ICE1: variants seen among roughly 807,000 people sequenced by gnomAD.
ICE1 encodes the protein interactor of little elongation complex ELL subunit 1.
ICE1 carries 64 observed loss-of-function variants against 192.7 expected under a neutral mutation model. That is an observed-to-expected ratio of 0.33 (90% CI 0.27 to 0.41). The LOEUF is 0.41. Among genes scored for constraint, ICE1 ranks in the 10% least tolerant of loss-of-function variants. ICE1 has a pLI of 1.00. For missense variants in ICE1, 2,708 were observed against 2,696.0 expected (o/e 1.00, Z -0.10); for synonymous variants, 1,010 against 984.5 (o/e 1.03, Z -0.49).
At chr5:5,469,546 G>A (rs992528863) in intron 15 of ICE1, among the ~76,000 whole-genome samples, 4 of 151,866 alleles carry the variant, frequency 2.6e-5, no homozygotes, top group Admixed American at 6.6e-5. Context: ...TCTAACTACC[G>A]GTAGCGAACT....
At chr5:5,458,838 G>A (rs924854973) in intron 12 of ICE1, among the ~76,000 whole-genome samples, 1 of 152,128 alleles carries the variant, frequency 6.6e-6, no homozygotes, top group Non-Finnish European at 1.5e-5. Flanking sequence ...AAGACCACAG[G>A]CAGGGTAGCG....
At chr5:5,440,633 T>C (rs1008857111) in intron 4 of ICE1, among the ~76,000 whole-genome samples, 2 of 152,216 alleles carry the variant, frequency 1.3e-5, no homozygotes, top group African/African-American at 2.4e-5. Context: ...AATAGTACTA[T>C]TTAATAGTAA....
At chr5:5,476,162 A>G in intron 17 of ICE1, 83 bp downstream of exon 17, 2 of 709,022 alleles carry the variant, frequency 2.8e-6, no homozygotes, top group Non-Finnish European at 4.4e-6. Context: ...ATAATAAAAT[A>G]TGCTGACTTT....
chr5:5,460,740 G>A lies in ICE1; in HGVS notation c.1406G>A (p.Arg469Gln), dbSNP rs764483256. Residue 469 changes from arginine to glutamine, a missense_variant, in exon 13 of 19, where the codon CGA (arginine) becomes CAA (glutamine). Coordinates refer to ENST00000296564, the MANE Select transcript of ICE1 (RefSeq NM_015325.3). The part of the protein sequence containing the change: ...VGEKHWTTAS[R>Q]SMSDRKRDIL... ...GAAAAACACTGGACCACAGCATCTCGATCCATGAGTGATAGAAAAAGAGAC... is the reference window on the plus strand; with the variant it reads ...GAAAAACACTGGACCACAGCATCTCAATCCATGAGTGATAGAAAAAGAGAC... The A allele has an allele frequency of 2.0e-5, 33 of 1,613,834 alleles. No individual in the cohort carries two copies. Among genetic ancestry groups the A allele is most frequent in the Middle Eastern group, 1.6e-4 (1 of 6,084 alleles).
intron 17 of ICE1, among the ~76,000 whole-genome samples, chr5:5,477,682 A>G (rs1184921197): frequency 6.6e-6 from 1 of 152,190 alleles, no homozygotes; most frequent in Non-Finnish European, 1.5e-5. Flanking sequence ...GAGACAAAAC[A>G]GAAAAAATTT....
Position 5,463,833 on chromosome 5 carries a change from G to T in ICE1, c.4499G>T (p.Gly1500Val), listed in dbSNP as rs1379706846. The change falls in exon 13 of 19, where the codon GGT becomes GTT. Residue 1500 changes from glycine to valine, a missense_variant. This residue lies in a region of ICE1 where 2,366 missense variants were observed against 2,276.6 expected (regional missense o/e 1.04). Transcript: ENST00000296564. The part of the protein sequence containing the change: ...SCPQEDVSSS[G>V]QSTNFDKSRL... ...CCCCAAGAGGATGTTTCAAGCAGTG[G>T]TCAGAGCACCAACTTTGATAAGAGT... The T allele has an allele frequency of 8.1e-6, 13 of 1,613,958 alleles. No individual in the cohort carries two copies. Among genetic ancestry groups the T allele is most frequent in the Non-Finnish European group, 1.1e-5 (13 of 1,179,886 alleles).
chr5:5,443,773 G>A (rs969746634), intron 6 of ICE1, among the ~76,000 whole-genome samples: 1 of 152,158 alleles, frequency 6.6e-6, no homozygotes, highest in African/African-American at 2.4e-5. Flanking sequence ...ACAAATGTGA[G>A]CTATACATAA....
chr5:5,464,771 T>G lies in ICE1; in HGVS notation c.5437T>G (p.Ser1813Ala), dbSNP rs1278203458. The G allele has an allele frequency of 6.2e-7, 1 of 1,613,712 alleles. No individual in the cohort carries two copies. The change falls in exon 13 of 19, where the codon TCT becomes GCT. Residue 1813 changes from serine (S) to alanine (A), a missense_variant. Coordinates refer to ENST00000296564, the MANE Select transcript of ICE1 (RefSeq NM_015325.3). The surrounding 1 kb of genome is among the most constrained non-coding windows in gnomAD (Gnocchi z 4.0). ...ATAFVKTGSS[S>A]GGDCNQDKSR... ...TGCTTTTGTCAAAACTGGGAGCAGC[T>G]CTGGTGGTGACTGTAACCAAGACAA...
rs1481464256 is a variant in ICE1, at chr5:5,462,011, G to A, written c.2677G>A (p.Gly893Ser). The A allele has an allele frequency of 6.2e-7, 1 of 1,613,942 alleles. No homozygotes were observed. Among genetic ancestry groups the A allele is most frequent in the Non-Finnish European group, 8.5e-7 (1 of 1,179,892 alleles). Reference protein sequence around the residue: ...VEPTLVTENSGNKTGMSTVAK... With the variant: ...VEPTLVTENSSNKTGMSTVAK... ...GCCTACCTTAGTAACAGAAAATAGT[G>A]GCAACAAAACCGGTATGTCAACTGT... The change falls in exon 13 of 19, where the codon GGC becomes AGC. Residue 893 changes from glycine (G) to serine (S), a missense_variant. Coordinates refer to ENST00000296564, the MANE Select transcript of ICE1 (RefSeq NM_015325.3).
Position 5,476,089 on chromosome 5 carries a change from C to A in ICE1, c.6520+10C>A. On this transcript the variant is annotated intron_variant, in intron 17 of 18. Transcript: ENST00000296564. ...ATACTGAGGCTGATTGGTAAGTTGT[C>A]TGTTTTATTATTGTTTTTTTCTTGT... The A allele has an allele frequency of 1.4e-6, 2 of 1,478,498 alleles. No individual in the cohort carries two copies. Among genetic ancestry groups the A allele is most frequent in the Non-Finnish European group, 9.2e-7 (1 of 1,083,408 alleles). 91.6% of individuals were successfully genotyped at this position (1,478,498 alleles called of 1,614,324 possible). A position where few individuals can be genotyped will look rare whatever the true frequency, so the allele number is the denominator to read the frequency against.
At chr5:5,428,771 A>G (rs1251478579) in intron 1 of ICE1, among the ~76,000 whole-genome samples, 1 of 152,102 alleles carries the variant, frequency 6.6e-6, no homozygotes, top group Non-Finnish European at 1.5e-5. Context: ...AAGTCATGTC[A>G]GGAATATGTG....
chr5:5,466,636 T>A, intron 14 of ICE1, 134 bp downstream of exon 14: 2 of 754,140 alleles, frequency 2.7e-6, no homozygotes, highest in Non-Finnish European at 4.1e-6. Context: ...TTGAATAGCT[T>A]TAGCTATACC....
chr5:5,453,652 C>A (rs535380368), intron 10 of ICE1, among the ~76,000 whole-genome samples: 2 of 152,046 alleles, frequency 1.3e-5, no homozygotes. Flanking sequence ...AATTTTAATT[C>A]GTGTGGGTTG....
At position 5,461,580 on chromosome 5, in the gene ICE1, A is replaced by G; in HGVS notation, c.2246A>G (p.Asp749Gly). 6.2e-7 allele frequency: 1 copy of G among 1,613,258 alleles called. No homozygotes were observed. Among genetic ancestry groups the G allele is most frequent in the Non-Finnish European group, 8.5e-7 (1 of 1,179,550 alleles). Residue 749 changes from aspartate to glycine, a missense_variant, in exon 13 of 19, where the codon GAT becomes GGT. Around this residue, in one of 2 missense-constraint regions of ICE1, gnomAD observed 2,366 missense variants for 2,276.6 expected, o/e 1.04. Coordinates refer to ENST00000296564, the MANE Select transcript of ICE1 (RefSeq NM_015325.3). ...PRSVFMKATK[D>G]GQCESQDPRI... Reference sequence around the variant, plus strand: ...TCAGTATTTATGAAAGCTACAAAAGATGGGCAATGTGAAAGTCAAGATCCA... The same window carrying G: ...TCAGTATTTATGAAAGCTACAAAAGGTGGGCAATGTGAAAGTCAAGATCCA...
intron 1 of ICE1, among the ~76,000 whole-genome samples, chr5:5,432,192 T>G (rs1737730360): frequency 6.6e-6 from 1 of 152,210 alleles, no homozygotes; most frequent in Non-Finnish European, 1.5e-5. Context: ...ACTAGTCATT[T>G]CCTGTCTCTG....
In ICE1 at chr5:5,464,792, G is replaced by A. The variant is rs770940951; in HGVS notation, c.5458G>A (p.Asp1820Asn). The stretch of plus-strand genomic sequence containing the variant: ...CAGCTCTGGTGGTGACTGTAACCAA[G>A]ACAAGTCAAGAGATTTGGGGACTCA... ...GSSSGGDCNQ[D>N]KSRDLGTQQD... The change falls in exon 13 of 19, where the codon GAC (aspartate) becomes AAC (asparagine). Residue 1820 changes from aspartate (D) to asparagine (N), a missense_variant. Transcript: ENST00000296564. The surrounding 1 kb of genome is among the most constrained non-coding windows in gnomAD (Gnocchi z 4.0). 5.0e-6 allele frequency: 8 copies of A among 1,613,602 alleles called. No individual in the cohort carries two copies. In the African/African-American group the frequency reaches 1.1e-4, roughly 22 times the overall value.
At chr5:5,445,636 A>G (rs1021327624) in intron 7 of ICE1, among the ~76,000 whole-genome samples, 27 of 151,522 alleles carry the variant, frequency 1.8e-4, no homozygotes, top group African/African-American at 6.1e-4. Flanking sequence ...CTGGTCTCGA[A>G]CTCCTGACCT....
In ICE1 at chr5:5,486,748, A is replaced by G; in HGVS notation, c.6548A>G (p.Glu2183Gly). 1 of 1,602,188 alleles carries G rather than the reference A, an allele frequency of 6.2e-7. No individual in the cohort carries two copies. Among genetic ancestry groups the G allele is most frequent in the Non-Finnish European group, 8.5e-7 (1 of 1,173,612 alleles). ...CGTTTAGGCCAATTGGGTTTGAAAG[A>G]AGGATTTCCATCTGCTGTGAAAAAT... is the stretch of plus-strand genomic sequence containing the variant. ...IGRLGQLGLK[E>G]GFPSAVKNIS... The change falls in exon 18 of 19, where the codon GAA becomes GGA. Residue 2183 changes from glutamate to glycine, a missense_variant. Glu to Gly is a moderately conservative substitution (Grantham distance 98, BLOSUM62 -2). This residue lies in a region of ICE1 where 342 missense variants were observed against 419.3 expected (regional missense o/e 0.82). Coordinates refer to ENST00000296564, the MANE Select transcript of ICE1 (RefSeq NM_015325.3).
chr5:5,427,429 G>A (rs1018522607), intron 1 of ICE1, among the ~76,000 whole-genome samples: 3 of 152,212 alleles, frequency 2.0e-5, no homozygotes, highest in Non-Finnish European at 4.4e-5. Flanking sequence ...TCTGATGAAG[G>A]AGAGGCCCAT....
Sources: gnomAD v4.1 joint callset for allele counts (sites outside exome capture counted in the v4.1 genomes callset) on GRCh38, gnomAD v4.1.1 for gene constraint, gnomAD v4.1.1 regional missense constraint, Gnocchi (gnomAD v3.1) non-coding constraint, MANE v1.5 for transcripts, NCBI Gene and HGNC (gene_info 2026-07-23, HGNC 2026-07-21) for gene names.